The following FAM227B variants were observed in gnomAD, a reference collection of about 807,000 sequenced individuals.
FAM227B encodes the protein protein FAM227B.
In FAM227B, 88 loss-of-function variants were observed where a neutral mutation model predicts 73.8. That is an observed-to-expected ratio of 1.19 (90% CI 1.00 to 1.42). The LOEUF is 1.42. Ranked by LOEUF, FAM227B falls within the 40% of genes most tolerant of loss-of-function variation. FAM227B has a pLI of 0.00. For missense variants in FAM227B, 632 were observed against 590.9 expected (o/e 1.07, Z -0.72); for synonymous variants, 210 against 190.5 (o/e 1.10, Z -0.84).
chr15:49,523,455 G>C (rs2059929105), intron 10 of FAM227B, among the ~76,000 whole-genome samples: 1 of 152,140 alleles, frequency 6.6e-6, no homozygotes, highest in South Asian at 2.1e-4. Flanking sequence ...CACCACGATT[G>C]TGAGGCCTCC....
At chr15:49,574,846 G>C (rs1029477664) in intron 8 of FAM227B, 165 bp downstream of exon 8, 3 of 402,622 alleles carry the variant, frequency 7.5e-6, no homozygotes, top group African/African-American at 6.3e-5. Context: ...TAACTCCTCT[G>C]AAAGAACTCT....
chr15:49,328,215 T>A lies in FAM227B; in HGVS notation c.*353A>T, dbSNP rs1000036230. ...TAGGGCACTTAGGAATTGGCAGGACTTTCTGTGCCACAGTAAATTAATCTT... is the reference window on the plus strand; with the variant it reads ...TAGGGCACTTAGGAATTGGCAGGACATTCTGTGCCACAGTAAATTAATCTT... On this transcript the variant is annotated 3_prime_UTR_variant, in exon 16 of 16. Transcript: ENST00000299338. 13 of 1,547,738 alleles carry A rather than the reference T, an allele frequency of 8.4e-6. No individual in the cohort carries two copies. The African/African-American group carries it at 1.6e-4, about 20-fold the overall frequency.
At chr15:49,445,112 G>A (rs903825140) in intron 11 of FAM227B, among the ~76,000 whole-genome samples, 1 of 151,238 alleles carries the variant, frequency 6.6e-6, no homozygotes, top group African/African-American at 2.4e-5. Context: ...ATTTAAAATG[G>A]TTGGTGTTTT....
intron 13 of FAM227B, chr15:49,365,545 G>A (rs1306743285): frequency 4.6e-6 from 4 of 875,104 alleles, no homozygotes; most frequent in Non-Finnish European, 5.9e-6. Context: ...CAATGTTTCA[G>A]TATTTTCAAA....
At chr15:49,552,378 G>A (rs2073135909) in intron 9 of FAM227B, among the ~76,000 whole-genome samples, 1 of 133,098 alleles carries the variant, frequency 7.5e-6, no homozygotes, top group Non-Finnish European at 1.6e-5. Context: ...ATTGTATGTT[G>A]TTTCTTTCTT....
chr15:49,363,100 G>A (rs1365875228), intron 13 of FAM227B, among the ~76,000 whole-genome samples: 2 of 151,960 alleles, frequency 1.3e-5, no homozygotes, highest in African/African-American at 4.8e-5. Context: ...TGTCTTGGCT[G>A]TTCAAGCTCT....
chr15:49,537,901 G>A (rs921484460), intron 10 of FAM227B, among the ~76,000 whole-genome samples: 5 of 152,062 alleles, frequency 3.3e-5, no homozygotes, highest in African/African-American at 4.8e-5. Flanking sequence ...ATTGGTTACC[G>A]GGACCAGGCA....
At chr15:49,579,983 T>C (rs1444306929) in intron 5 of FAM227B, among the ~76,000 whole-genome samples, 4 of 152,118 alleles carry the variant, frequency 2.6e-5, no homozygotes, top group Non-Finnish European at 5.9e-5. Flanking sequence ...CTGGCTTTAT[T>C]CTGCAGGAGG....
intron 11 of FAM227B, among the ~76,000 whole-genome samples, chr15:49,435,916 T>C (rs2051059658): frequency 1.3e-5 from 2 of 151,602 alleles, no homozygotes; most frequent in Non-Finnish European, 3.0e-5. Context: ...AGTGAATAAA[T>C]GTAAGTATAT....
intron 10 of FAM227B, among the ~76,000 whole-genome samples, chr15:49,512,190 C>T (rs1364843083): frequency 6.6e-6 from 1 of 152,042 alleles, no homozygotes; most frequent in Non-Finnish European, 1.5e-5. Flanking sequence ...GTTTCTAATG[C>T]ATTGCATTCA....
intron 10 of FAM227B, 26 bp from the exon 11 acceptor site, chr15:49,508,374 C>A: frequency 1.3e-6 from 2 of 1,519,832 alleles, no homozygotes; most frequent in South Asian, 1.3e-5. Flanking sequence ...ACATATTTAG[C>A]CAAATAAATT....
intron 10 of FAM227B, among the ~76,000 whole-genome samples, chr15:49,523,589 G>C (rs2413960): frequency 0.29 from 43,756 of 152,062 alleles, 6,587 homozygotes; most frequent in East Asian, 0.38. Context: ...GTATAGTGGG[G>C]TGCTGCTAAA....
intron 3 of FAM227B, among the ~76,000 whole-genome samples, chr15:49,607,427 CCCTGAAGA>C (rs1267326289): frequency 5.3e-5 from 8 of 152,060 alleles, no homozygotes; most frequent in Admixed American, 2.0e-4. Context: ...AGGGTAAAAT[CCCTGAAGA>C]CCAACACTGT....
chr15:49,611,840 C>T (rs1472839771), intron 2 of FAM227B, among the ~76,000 whole-genome samples: 1 of 152,152 alleles, frequency 6.6e-6, no homozygotes, highest in African/African-American at 2.4e-5. Flanking sequence ...ATTCTTCCTT[C>T]TGCCCAGAAG....
chr15:49,554,910 T>C (rs2152318793), intron 9 of FAM227B, among the ~76,000 whole-genome samples: 1 of 152,252 alleles, frequency 6.6e-6, no homozygotes, highest in Non-Finnish European at 1.5e-5. Flanking sequence ...AATAGCAACT[T>C]CTGCTTCTTT....
intron 11 of FAM227B, among the ~76,000 whole-genome samples, chr15:49,501,292 CA>C (rs1199003760): frequency 6.6e-6 from 1 of 152,132 alleles, no homozygotes; most frequent in Non-Finnish European, 1.5e-5. Context: ...TGGTTGTGGT[CA>C]AAATGCTGAT....
chr15:49,501,027 G>A (rs1192698007), intron 11 of FAM227B, among the ~76,000 whole-genome samples: 1 of 152,184 alleles, frequency 6.6e-6, no homozygotes, highest in Non-Finnish European at 1.5e-5. Flanking sequence ...GCTTCCTGTA[G>A]AGCATCCAGA....
At chr15:49,348,424 T>G (rs1320850141) in intron 13 of FAM227B, among the ~76,000 whole-genome samples, 3 of 152,140 alleles carry the variant, frequency 2.0e-5, no homozygotes, top group Non-Finnish European at 4.4e-5. Context: ...ATTTGATATA[T>G]CACTAAAAAA....
At chr15:49,538,275 T>C (rs2070555447) in intron 10 of FAM227B, among the ~76,000 whole-genome samples, 1 of 152,176 alleles carries the variant, frequency 6.6e-6, no homozygotes, top group African/African-American at 2.4e-5. Context: ...TTTTTCCTCC[T>C]TTTCCTCAGC....
Sources: allele counts gnomAD v4.1 joint callset (sites outside exome capture counted in the v4.1 genomes callset), GRCh38; gene constraint gnomAD v4.1.1; transcripts MANE v1.5; gene names NCBI Gene and HGNC (gene_info 2026-07-23, HGNC 2026-07-21).